Variants in KMT2C observed in about 807,000 individuals in gnomAD.
The protein encoded by KMT2C is lysine methyltransferase 2C.
Under a neutral mutation model 507.9 loss-of-function variants are expected in KMT2C, and 88 were observed. That is an observed-to-expected ratio of 0.17 (90% CI 0.15 to 0.21). The LOEUF is 0.21. KMT2C is among the 10% of genes least tolerant of loss of function. The pLI, the probability that KMT2C is intolerant of heterozygous loss-of-function variation, is 1.00. For synonymous variants in KMT2C, 2,049 were observed against 2,080.8 expected, an observed-to-expected ratio of 0.98 and a Z score of 0.42; for missense variants, 4,954 against 5,957.8, an observed-to-expected ratio of 0.83 and a Z score of 5.55.
chr7:152,208,748 CAT>C (rs1214560443), intron 23 of KMT2C, among the ~76,000 whole-genome samples: 3 of 152,192 alleles, frequency 2.0e-5, no homozygotes, highest in Admixed American at 1.3e-4. Context: ...TTAGAGATAA[CAT>C]ATTTCAGTAA....
intron 31 of KMT2C, among the ~76,000 whole-genome samples, chr7:152,193,399 T>G (rs2093864501): frequency 6.6e-6 from 1 of 152,114 alleles, no homozygotes. Context: ...TTCACAAAAT[T>G]TCATAGTGTC....
chr7:152,423,410 C>G (rs1206529965), intron 1 of KMT2C, among the ~76,000 whole-genome samples: 1 of 152,218 alleles, frequency 6.6e-6, no homozygotes, highest in Non-Finnish European at 1.5e-5. Flanking sequence ...TGTGATAGTT[C>G]TAGCCAATTA....
At chr7:152,166,314 G>GT (rs2092726116) in intron 42 of KMT2C, among the ~76,000 whole-genome samples, 1 of 151,626 alleles carries the variant, frequency 6.6e-6, no homozygotes, top group Non-Finnish European at 1.5e-5. Flanking sequence ...TAGAGACGGG[G>GT]TTTCACCATG....
At chr7:152,431,568 T>G (rs1278397045) in intron 1 of KMT2C, among the ~76,000 whole-genome samples, 2 of 148,026 alleles carry the variant, frequency 1.4e-5, no homozygotes, top group Admixed American at 1.4e-4. Flanking sequence ...ATCGCACCAC[T>G]GCACTCCAGC....
intron 1 of KMT2C, among the ~76,000 whole-genome samples, chr7:152,373,458 T>C (rs2097306227): frequency 6.6e-6 from 1 of 152,156 alleles, no homozygotes; most frequent in African/African-American, 2.4e-5. Flanking sequence ...AAAAGCAAGT[T>C]ACAGTTCTGT....
chr7:152,350,244 C>T (rs772038537), intron 2 of KMT2C, among the ~76,000 whole-genome samples: 9 of 151,994 alleles, frequency 5.9e-5, no homozygotes, highest in Non-Finnish European at 1.0e-4. Flanking sequence ...GAGTGAAACT[C>T]TGTCTCAAAA....
chr7:152,283,848 T>C (rs1291183826), intron 6 of KMT2C, among the ~76,000 whole-genome samples: 1 of 152,204 alleles, frequency 6.6e-6, no homozygotes, highest in Non-Finnish European at 1.5e-5. Context: ...AAATTACTAA[T>C]GCCACAAATT....
At chr7:152,398,795 A>G (rs1328270244) in intron 1 of KMT2C, among the ~76,000 whole-genome samples, 1 of 152,034 alleles carries the variant, frequency 6.6e-6, no homozygotes, top group Admixed American at 6.6e-5. Context: ...CTAATCTTCC[A>G]CATACTGTAA....
At chr7:152,195,676 T>C in intron 28 of KMT2C, 2 of 369,394 alleles carry the variant, frequency 5.4e-6, no homozygotes, top group Non-Finnish European at 7.5e-6. Context: ...TAAGGCAACA[T>C]GCCTTAAATG....
At chr7:152,189,682 G>GA (rs2093732139) in intron 31 of KMT2C, among the ~76,000 whole-genome samples, 1 of 152,112 alleles carries the variant, frequency 6.6e-6, no homozygotes, top group Non-Finnish European at 1.5e-5. Context: ...AGACTTCCTA[G>GA]AACTCTCTGA....
At chr7:152,343,310 T>C (rs940465626) in intron 2 of KMT2C, among the ~76,000 whole-genome samples, 2 of 151,926 alleles carry the variant, frequency 1.3e-5, no homozygotes, top group Non-Finnish European at 2.9e-5. Flanking sequence ...ATGATAGAGA[T>C]TTTTTTAAAA....
At chr7:152,414,902 G>A (rs1248568597) in intron 1 of KMT2C, among the ~76,000 whole-genome samples, 6 of 151,514 alleles carry the variant, frequency 4.0e-5, no homozygotes, top group African/African-American at 1.5e-4. Flanking sequence ...AGGCTAGAGT[G>A]CAGTGGCATG....
chr7:152,358,271 T>C (rs963057559), intron 2 of KMT2C, among the ~76,000 whole-genome samples: 4 of 152,050 alleles, frequency 2.6e-5, no homozygotes, highest in African/African-American at 7.3e-5. Flanking sequence ...AGATGGTTCA[T>C]AGGCCAGAAT....
At chr7:152,268,172 A>C (rs1345385363) in intron 7 of KMT2C, among the ~76,000 whole-genome samples, 1 of 152,178 alleles carries the variant, frequency 6.6e-6, no homozygotes, top group Non-Finnish European at 1.5e-5. Flanking sequence ...CCAGCTACTC[A>C]GGAGGCTGAG....
chr7:152,213,769 C>T (rs1464639813), intron 23 of KMT2C, among the ~76,000 whole-genome samples: 1 of 149,158 alleles, frequency 6.7e-6, no homozygotes, highest in African/African-American at 2.5e-5. Context: ...AAAAAAAACA[C>T]CGGGGTGAAA....
At chr7:152,185,157 G>A (rs1171299625) in intron 34 of KMT2C, among the ~76,000 whole-genome samples, 1 of 152,198 alleles carries the variant, frequency 6.6e-6, no homozygotes, top group African/African-American at 2.4e-5. Flanking sequence ...ACAATGACAA[G>A]GGAAAGAGTC....
At chr7:152,398,319 A>G (rs1589728649) in intron 1 of KMT2C, among the ~76,000 whole-genome samples, 1 of 152,224 alleles carries the variant, frequency 6.6e-6, no homozygotes, top group Non-Finnish European at 1.5e-5. Context: ...TAAATTTTGA[A>G]AAGAATGAGA....
chr7:152,281,169 T>C (rs1431475851), intron 6 of KMT2C, among the ~76,000 whole-genome samples: 1 of 151,996 alleles, frequency 6.6e-6, no homozygotes, highest in Non-Finnish European at 1.5e-5. Context: ...AAAACTTCTA[T>C]GTGGTGAGAA....
intron 31 of KMT2C, among the ~76,000 whole-genome samples, chr7:152,191,517 T>A (rs1401482951): frequency 6.6e-6 from 1 of 152,358 alleles, no homozygotes; most frequent in South Asian, 2.1e-4. Flanking sequence ...AACCTACTTT[T>A]TAACTTAGTC....
Sources: gnomAD v4.1 joint callset for allele counts (sites outside exome capture counted in the v4.1 genomes callset) on GRCh38, gnomAD v4.1.1 for gene constraint, MANE v1.5 for transcripts, NCBI Gene and HGNC (gene_info 2026-07-23, HGNC 2026-07-21) for gene names.